Variants in ELOVL5 observed in about 807,000 individuals in gnomAD.
The protein encoded by ELOVL5 is very long chain fatty acid elongase 5.
Under a neutral mutation model 38.6 loss-of-function variants are expected in ELOVL5, and 8 were observed. The observed-to-expected ratio is 0.21, with a 90% CI of 0.12 to 0.37. ELOVL5 has a LOEUF of 0.37. Ranked by LOEUF, ELOVL5 falls within the 10% of genes least tolerant of loss-of-function variation. ELOVL5 has a pLI of 1.00. For missense variants in ELOVL5, 280 were observed against 367.8 expected (o/e 0.76, Z 1.95); for synonymous variants, 127 against 133.7 (o/e 0.95, Z 0.34).
rs1561860735 is a variant in ELOVL5 at position 53,270,718 on chromosome 6, C to G, written c.631G>C (p.Val211Leu). 5.6e-6 allele frequency: 9 copies of G among 1,614,176 alleles called. No homozygotes were observed. Among genetic ancestry groups the G allele is most frequent in the Non-Finnish European group, 7.6e-6 (9 of 1,180,014 alleles). ...CAGCTGGTCTGGATGATTGTCAGCA[C>G]AAACTGAAGCTAGGGGAACAGAGGG... ...YITQGQLLQF[V>L]LTIIQTSCGV... Residue 211 changes from valine to leucine, a missense_variant, in exon 7 of 8, where the codon GTG (valine) becomes CTG (leucine). Val to Leu is a conservative substitution (Grantham distance 32, BLOSUM62 1). Around this residue, in one of 3 missense-constraint regions of ELOVL5, gnomAD observed 125 missense variants for 158.9 expected, o/e 0.79. Coordinates refer to ENST00000304434, the MANE Select transcript of ELOVL5 (RefSeq NM_021814.5).
intron 3 of ELOVL5, among the ~76,000 whole-genome samples, chr6:53,281,861 C>T (rs1312456595): frequency 2.6e-5 from 4 of 151,846 alleles, no homozygotes; most frequent in Non-Finnish European, 4.4e-5. Flanking sequence ...AGGAATACCC[C>T]TGGGTTATAG....
chr6:53,308,236 TTCA>T (rs1767681589), intron 1 of ELOVL5, among the ~76,000 whole-genome samples: 1 of 152,244 alleles, frequency 6.6e-6, no homozygotes, highest in South Asian at 2.1e-4. Flanking sequence ...TTTCATACTC[TTCA>T]TCATCACTTC....
chr6:53,321,948 C>T (rs147127390), intron 1 of ELOVL5, among the ~76,000 whole-genome samples: 1 of 152,176 alleles, frequency 6.6e-6, no homozygotes, highest in African/African-American at 2.4e-5. Context: ...TTCTTTCTCT[C>T]AGGTTATTAG....
intron 3 of ELOVL5, among the ~76,000 whole-genome samples, chr6:53,282,518 G>C (rs976159976): frequency 5.3e-5 from 8 of 152,224 alleles, no homozygotes; most frequent in African/African-American, 1.4e-4. Flanking sequence ...CCTACCGTGA[G>C]GCATTCTCTC....
chr6:53,277,512 T>C (rs981072839), intron 3 of ELOVL5: 3 of 152,222 alleles, frequency 2.0e-5, no homozygotes, highest in Non-Finnish European at 4.4e-5. Context: ...TTGTTTTTAC[T>C]ATAAAATGAT....
chr6:53,286,883 T>A (rs555105577), intron 3 of ELOVL5, among the ~76,000 whole-genome samples: 1 of 152,220 alleles, frequency 6.6e-6, no homozygotes, highest in South Asian at 2.1e-4. Context: ...TAAAAATACA[T>A]CCAGAGAAAA....
intron 3 of ELOVL5, among the ~76,000 whole-genome samples, chr6:53,282,192 T>C (rs1766388392): frequency 6.6e-6 from 1 of 152,260 alleles, no homozygotes; most frequent in Admixed American, 6.5e-5. Flanking sequence ...TGCTTCCAAC[T>C]AGGGCTAAGG....
At chr6:53,346,587 A>G (rs1220325276) in intron 1 of ELOVL5, among the ~76,000 whole-genome samples, 1 of 152,194 alleles carries the variant, frequency 6.6e-6, no homozygotes, top group Non-Finnish European at 1.5e-5. Context: ...GCTGGTAGGC[A>G]AAGAGGAGGA....
intron 1 of ELOVL5, among the ~76,000 whole-genome samples, chr6:53,344,830 C>G (rs776992436): frequency 6.6e-6 from 1 of 152,218 alleles, no homozygotes; most frequent in Non-Finnish European, 1.5e-5. Flanking sequence ...CGCTTACTCT[C>G]CAAACTCCCT....
At chr6:53,317,161 A>G (rs1405252502) in intron 1 of ELOVL5, among the ~76,000 whole-genome samples, 1 of 152,222 alleles carries the variant, frequency 6.6e-6, no homozygotes, top group Non-Finnish European at 1.5e-5. Flanking sequence ...ACACTTCAGG[A>G]GGTTGAATTA....
chr6:53,285,762 T>C (rs1320446586), intron 3 of ELOVL5, among the ~76,000 whole-genome samples: 1 of 151,978 alleles, frequency 6.6e-6, no homozygotes, highest in Admixed American at 6.5e-5. Context: ...GCTCGAGCCA[T>C]GCCAGGCTAG....
intron 1 of ELOVL5, among the ~76,000 whole-genome samples, chr6:53,342,466 G>A (rs971820944): frequency 6.6e-6 from 1 of 152,186 alleles, no homozygotes; most frequent in Non-Finnish European, 1.5e-5. Context: ...CGCCAGCATG[G>A]CTTCAATTAG....
At chr6:53,294,364 T>C (rs1448388891) in intron 2 of ELOVL5, 1 of 1,569,116 alleles carries the variant, frequency 6.4e-7, no homozygotes, top group Non-Finnish European at 8.6e-7. Context: ...AAACAACTTC[T>C]TTATGCTTAA....
chr6:53,277,271 T>C (rs1421986444), intron 3 of ELOVL5, among the ~76,000 whole-genome samples: 1 of 152,118 alleles, frequency 6.6e-6, no homozygotes, highest in Non-Finnish European at 1.5e-5. Context: ...TCCTGCCTTC[T>C]ATCTGATTTT....
chr6:53,347,975 C>T (rs1268047262), intron 1 of ELOVL5, among the ~76,000 whole-genome samples: 1 of 152,006 alleles, frequency 6.6e-6, no homozygotes, highest in Non-Finnish European at 1.5e-5. Flanking sequence ...TTCCTTACAA[C>T]TCGCAAGACA....
intron 1 of ELOVL5, among the ~76,000 whole-genome samples, chr6:53,304,726 A>G (rs1767412110): frequency 6.6e-6 from 1 of 152,202 alleles, no homozygotes; most frequent in East Asian, 1.9e-4. Context: ...CATGTTTCAG[A>G]GAGCACAGGG....
At chr6:53,287,988 T>A (rs766613195) in intron 3 of ELOVL5, 26 of 1,463,812 alleles carry the variant, frequency 1.8e-5, no homozygotes, top group Non-Finnish European at 2.3e-5. Flanking sequence ...GTCTAAGAGG[T>A]CTGAGGCACA....
chr6:53,334,323 C>G (rs935550866), intron 1 of ELOVL5, among the ~76,000 whole-genome samples: 1 of 152,154 alleles, frequency 6.6e-6, no homozygotes, highest in Admixed American at 6.5e-5. Context: ...ACCAAGAGAC[C>G]AACCAGAGCC....
intron 1 of ELOVL5, among the ~76,000 whole-genome samples, chr6:53,317,349 G>C (rs1004187574): frequency 6.6e-6 from 1 of 152,176 alleles, no homozygotes; most frequent in East Asian, 1.9e-4. Flanking sequence ...GCACACGTAT[G>C]TTTATTGTGG....
Sources: gnomAD v4.1 joint callset for allele counts (sites outside exome capture counted in the v4.1 genomes callset) on GRCh38, gnomAD v4.1.1 for gene constraint, gnomAD v4.1.1 regional missense constraint, MANE v1.5 for transcripts, NCBI Gene and HGNC (gene_info 2026-07-23, HGNC 2026-07-21) for gene names.